ST7: variants seen among roughly 807,000 people sequenced by gnomAD.
ST7 encodes the protein suppression of tumorigenicity 7.
Under a neutral mutation model 78.7 loss-of-function variants are expected in ST7, and 28 were observed. The observed-to-expected ratio is 0.36, with a 90% CI of 0.26 to 0.49. The LOEUF (loss-of-function observed/expected upper bound fraction) is 0.49, where lower values mean the gene tolerates loss of function less well. Among genes scored for constraint, ST7 ranks in the 20% least tolerant of loss-of-function variants. The probability of loss-of-function intolerance (pLI) is 0.99; values close to 1 mark genes in which losing one functional copy is unlikely to be tolerated. For missense variants in ST7, 418 were observed against 696.0 expected, an observed-to-expected ratio of 0.60 and a Z score of 4.49; for synonymous variants, 247 against 249.6, an observed-to-expected ratio of 0.99 and a Z score of 0.10.
At chr7:117,138,324 T>C in intron 8 of ST7, 111 bp from the exon 9 acceptor site, 1 of 568,634 alleles carries the variant, frequency 1.8e-6, no homozygotes, top group East Asian at 3.0e-5. Context: ...ATCTTCATTC[T>C]ACTATTAACA....
chr7:117,140,960 C>T (rs567234689), intron 9 of ST7, among the ~76,000 whole-genome samples: 6 of 152,300 alleles, frequency 3.9e-5, no homozygotes, highest in South Asian at 4.1e-4. Context: ...AAAGCTGTGG[C>T]TGTTCCCAGC....
At chr7:117,027,457 T>TA (rs111942127) in intron 1 of ST7, among the ~76,000 whole-genome samples, 94 of 122,024 alleles carry the variant, frequency 7.7e-4, no homozygotes, top group African/African-American at 3.1e-3. Flanking sequence ...AAAAGTAAAG[T>TA]AAAGTAAAAG....
At chr7:117,088,075 T>C (rs942384354) in intron 1 of ST7, among the ~76,000 whole-genome samples, 1 of 152,234 alleles carries the variant, frequency 6.6e-6, no homozygotes, top group African/African-American at 2.4e-5. Context: ...AATTCCTTTA[T>C]GTATGCTGTG....
chr7:117,014,955 T>TA (rs1795539691), intron 1 of ST7: 2 of 1,341,526 alleles, frequency 1.5e-6, no homozygotes, highest in South Asian at 4.4e-5. Context: ...TTCTGGCTGA[T>TA]AGAGTTGTAC....
At chr7:117,196,704 G>A (rs71564583) in intron 12 of ST7, among the ~76,000 whole-genome samples, 1 of 107,476 alleles carries the variant, frequency 9.3e-6, no homozygotes, top group East Asian at 3.4e-4. Context: ...CCCCTTATTA[G>A]ATATATGATT....
intron 1 of ST7, among the ~76,000 whole-genome samples, chr7:117,006,854 T>C (rs1795177463): frequency 6.6e-6 from 1 of 152,226 alleles, no homozygotes; most frequent in East Asian, 1.9e-4. Flanking sequence ...TGAGCTGTGA[T>C]CAGTGATCTT....
chr7:117,008,502 A>G (rs1795247562), intron 1 of ST7, among the ~76,000 whole-genome samples: 1 of 152,188 alleles, frequency 6.6e-6, no homozygotes, highest in Non-Finnish European at 1.5e-5. Flanking sequence ...CCATTTTTAT[A>G]TAATCTTCAA....
At chr7:117,118,628 A>G (rs2116934777) in intron 2 of ST7, among the ~76,000 whole-genome samples, 1 of 152,318 alleles carries the variant, frequency 6.6e-6, no homozygotes, top group East Asian at 1.9e-4. Context: ...GATATGATTG[A>G]TTCTTAAATT....
chr7:117,214,720 C>T (rs1792553257), intron 13 of ST7, among the ~76,000 whole-genome samples: 1 of 151,802 alleles, frequency 6.6e-6, no homozygotes, highest in African/African-American at 2.4e-5. Flanking sequence ...TCCTTTATTC[C>T]GTCTCGGTGA....
chr7:117,116,434 C>T (rs925921692), intron 2 of ST7, among the ~76,000 whole-genome samples: 1 of 152,074 alleles, frequency 6.6e-6, no homozygotes, highest in Admixed American at 6.6e-5. Context: ...CACCATCTGC[C>T]CATTTGGATC....
intron 3 of ST7, among the ~76,000 whole-genome samples, chr7:117,124,511 A>G (rs1223899753): frequency 6.6e-6 from 1 of 152,160 alleles, no homozygotes; most frequent in Non-Finnish European, 1.5e-5. Flanking sequence ...CAAGATTAAC[A>G]TAATTATTAA....
intron 7 of ST7, among the ~76,000 whole-genome samples, chr7:117,135,597 G>A (rs907599805): frequency 2.4e-4 from 37 of 152,030 alleles, no homozygotes; most frequent in Non-Finnish European, 1.8e-4. Flanking sequence ...GTTAACAGAA[G>A]TAAACCTGTA....
At chr7:117,158,153 G>A (rs550657723) in intron 9 of ST7, among the ~76,000 whole-genome samples, 1 of 152,292 alleles carries the variant, frequency 6.6e-6, no homozygotes, top group Admixed American at 6.5e-5. Flanking sequence ...ATGTCTTAAA[G>A]TTAGGTAAAG....
At chr7:117,164,857 CG>C (rs1298930094) in intron 9 of ST7, among the ~76,000 whole-genome samples, 6 of 20,008 alleles carry the variant, frequency 3.0e-4, no homozygotes, top group African/African-American at 1.2e-3. Flanking sequence ...TTTGGTGGGG[CG>C]GGGGTGGGAG....
At chr7:117,037,087 G>C (rs940539399) in intron 1 of ST7, among the ~76,000 whole-genome samples, 1 of 152,140 alleles carries the variant, frequency 6.6e-6, no homozygotes, top group African/African-American at 2.4e-5. Flanking sequence ...AGCTGCCATG[G>C]AAGTCGCATG....
intron 1 of ST7, chr7:116,956,727 A>T: frequency 2.2e-6 from 1 of 455,906 alleles, no homozygotes; most frequent in South Asian, 1.6e-5. Context: ...TTTTATGGTA[A>T]ATGAGCTTAA....
intron 9 of ST7, among the ~76,000 whole-genome samples, chr7:117,141,190 C>T (rs6966671): frequency 6.6e-6 from 1 of 152,104 alleles, no homozygotes; most frequent in Non-Finnish European, 1.5e-5. Flanking sequence ...AAGACACAGC[C>T]ATCTTCTCCC....
At chr7:117,225,793 A>C (rs190443419) in intron 15 of ST7, among the ~76,000 whole-genome samples, 5 of 152,298 alleles carry the variant, frequency 3.3e-5, no homozygotes, top group Admixed American at 3.3e-4. Context: ...TTACTTGGTG[A>C]CCATGATGTG....
chr7:117,144,479 A>T (rs1321612655), intron 9 of ST7, among the ~76,000 whole-genome samples: 1 of 151,646 alleles, frequency 6.6e-6, no homozygotes, highest in Non-Finnish European at 1.5e-5. Context: ...AAAAAAAAAA[A>T]AAATTAGTTG....
Sources: allele counts gnomAD v4.1 joint callset (sites outside exome capture counted in the v4.1 genomes callset), GRCh38; gene constraint gnomAD v4.1.1; transcripts MANE v1.5; gene names NCBI Gene and HGNC (gene_info 2026-07-23, HGNC 2026-07-21).